ROBO2: variants seen among roughly 807,000 people sequenced by gnomAD.
ROBO2 encodes roundabout guidance receptor 2.
ROBO2 carries 53 observed loss-of-function variants against 160.8 expected under a neutral mutation model. The observed-to-expected ratio is 0.33, with a 90% CI of 0.26 to 0.41. The LOEUF is 0.41. Ranked by LOEUF, ROBO2 falls within the 10% of genes least tolerant of loss-of-function variation. The pLI, the probability that ROBO2 is intolerant of heterozygous loss-of-function variation, is 1.00. For missense variants in ROBO2, 1,577 were observed against 1,722.4 expected, an observed-to-expected ratio of 0.92 and a Z score of 1.49; for synonymous variants, 664 against 611.7, an observed-to-expected ratio of 1.09 and a Z score of -1.26.
chr3:76,391,730 C>G (rs1011501369), intron 2 of ROBO2, among the ~76,000 whole-genome samples: 1 of 152,050 alleles, frequency 6.6e-6, no homozygotes, highest in Non-Finnish European at 1.5e-5. Context: ...AGGCTTGTCT[C>G]GAACTCCTGA....
intron 2 of ROBO2, among the ~76,000 whole-genome samples, chr3:76,189,323 A>C (rs1229690460): frequency 6.6e-6 from 1 of 152,170 alleles, no homozygotes; most frequent in African/African-American, 2.4e-5. Context: ...TTATGAATTA[A>C]GTGAAGAATT....
At position 76,558,202 on chromosome 3, in the gene ROBO2, GATAA is replaced by G. The variant is rs1327766712; in HGVS notation, c.110-539808_110-539805del. 2.0e-5 allele frequency among the ~76,000 whole-genome samples: 3 copies of G among 152,138 alleles called. No individual in the cohort carries two copies. In the South Asian group the frequency reaches 6.2e-4, roughly 32 times the overall value. ...TCATATTCCCGTGTGAACTGAAAATGATAAATAGTTAATAGCTTTCCTAGGGTCT... is the reference window on the plus strand; with the variant it reads ...TCATATTCCCGTGTGAACTGAAAATGATAGTTAATAGCTTTCCTAGGGTCT... On this transcript the variant is annotated intron_variant, in intron 2 of 26. Coordinates refer to the ROBO2 transcript ENST00000487694.
chr3:76,452,517 C>T (rs931728334), intron 2 of ROBO2, among the ~76,000 whole-genome samples: 11 of 152,086 alleles, frequency 7.2e-5, no homozygotes, highest in East Asian at 1.9e-4. Flanking sequence ...TCATTTTATA[C>T]GGCTGCATAG....
chr3:77,069,234 T>C (rs139743247), intron 1 of ROBO2, among the ~76,000 whole-genome samples: 89 of 152,190 alleles, frequency 5.8e-4, no homozygotes, highest in African/African-American at 2.1e-3. Flanking sequence ...AGAGAGACCA[T>C]TGGAATTAAG....
intron 2 of ROBO2, among the ~76,000 whole-genome samples, chr3:76,833,742 T>C (rs1007806850): frequency 1.2e-4 from 18 of 152,154 alleles, no homozygotes; most frequent in Non-Finnish European, 1.5e-5. Flanking sequence ...TCATCTCTTT[T>C]ATCCTCCTTC....
intron 2 of ROBO2, among the ~76,000 whole-genome samples, chr3:76,639,464 T>TCTCACACA (rs371365742): frequency 6.7e-6 from 1 of 149,206 alleles, no homozygotes; most frequent in South Asian, 2.1e-4. Context: ...CTACACTCTC[T>TCTCACACA]CACACACACA....
intron 6 of ROBO2, among the ~76,000 whole-genome samples, chr3:77,538,120 A>AAAC (rs1212760221): frequency 6.6e-6 from 1 of 151,552 alleles, no homozygotes; most frequent in Non-Finnish European, 1.5e-5. Context: ...ATAAAAAACA[A>AAAC]AAAAAATAGT....
chr3:77,409,868 C>T (rs1581718527), intron 2 of ROBO2, among the ~76,000 whole-genome samples: 1 of 152,304 alleles, frequency 6.6e-6, no homozygotes, highest in East Asian at 1.9e-4. Flanking sequence ...CACATACACA[C>T]ACACCCTAAT....
At chr3:77,202,238 T>C (rs958946745) in intron 2 of ROBO2, among the ~76,000 whole-genome samples, 1 of 152,192 alleles carries the variant, frequency 6.6e-6, no homozygotes, top group Non-Finnish European at 1.5e-5. Context: ...GCATTTGTTA[T>C]ACAAAATGTT....
chr3:76,240,029 G>A (rs1053229046), intron 2 of ROBO2, among the ~76,000 whole-genome samples: 4 of 152,100 alleles, frequency 2.6e-5, no homozygotes, highest in African/African-American at 9.7e-5. Flanking sequence ...AGGTGGATAT[G>A]GTCACAGTGT....
At chr3:76,757,646 C>T (rs1337298853) in intron 2 of ROBO2, among the ~76,000 whole-genome samples, 7 of 151,600 alleles carry the variant, frequency 4.6e-5, no homozygotes, top group Admixed American at 2.6e-4. Context: ...CCAGCTAGAG[C>T]GTTGCTTTGT....
At chr3:77,043,882 G>A (rs1486980136) in intron 1 of ROBO2, among the ~76,000 whole-genome samples, 1 of 152,070 alleles carries the variant, frequency 6.6e-6, no homozygotes, top group Non-Finnish European at 1.5e-5. Flanking sequence ...GATATTAGGG[G>A]AGATAAATAT....
intron 2 of ROBO2, among the ~76,000 whole-genome samples, chr3:77,230,834 T>A (rs1037552420): frequency 2.0e-5 from 3 of 152,230 alleles, no homozygotes; most frequent in Admixed American, 6.5e-5. Flanking sequence ...TAGACTTTTT[T>A]AATGCAAAAT....
In ROBO2 at chr3:77,268,076, G is replaced by T. The variant is rs150084905; in HGVS notation, c.388+169736G>T. The stretch of plus-strand genomic sequence containing the variant: ...TATTCACTGCATTTGGATGTAGTAG[G>T]GTTGCTTTGAGCTTGCTGAATTCTA... On this transcript the variant is annotated intron_variant, in intron 2 of 25. Coordinates refer to ENST00000461745, the Ensembl canonical transcript of ROBO2. Among the ~76,000 whole-genome samples the T allele has an allele frequency of 2.0e-3, 303 of 152,196 alleles. 2 individuals are homozygous for T. Among genetic ancestry groups the T allele is most frequent in the African/African-American group, 7.1e-3 (296 of 41,518 alleles).
intron 2 of ROBO2, among the ~76,000 whole-genome samples, chr3:77,306,199 TA>T (rs2063080206): frequency 1.3e-5 from 2 of 152,162 alleles, no homozygotes; most frequent in Admixed American, 6.5e-5. Flanking sequence ...CATATTTATG[TA>T]AGTCTTGAAT....
intron 2 of ROBO2, among the ~76,000 whole-genome samples, chr3:76,938,164 C>T (rs1577646087): frequency 6.6e-6 from 1 of 151,994 alleles, no homozygotes; most frequent in African/African-American, 2.4e-5. Flanking sequence ...TAAGACCATC[C>T]TAGCCACCGT....
At chr3:76,986,268 T>C (rs554169947) in intron 2 of ROBO2, among the ~76,000 whole-genome samples, 7 of 152,296 alleles carry the variant, frequency 4.6e-5, no homozygotes, top group Admixed American at 2.0e-4. Flanking sequence ...ATGTAGAATA[T>C]TTATCTTTAG....
chr3:77,087,043 T>C (rs939772835), intron 1 of ROBO2, among the ~76,000 whole-genome samples: 8 of 152,148 alleles, frequency 5.3e-5, no homozygotes, highest in African/African-American at 1.9e-4. Context: ...ATGGTGTTTT[T>C]TAGACATTGA....
Position 77,347,524 on chromosome 3 carries a change from T to G in ROBO2, c.389-129890T>G, listed in dbSNP as rs577292983. 1.3e-4 allele frequency among the ~76,000 whole-genome samples: 20 copies of G among 152,116 alleles called. 1 individual carries two copies. Among genetic ancestry groups the G allele is most frequent in the African/African-American group, 4.6e-4 (19 of 41,518 alleles). The stretch of plus-strand genomic sequence containing the variant: ...ATAGTGTGTCATATCTCCCCTTATC[T>G]CTCCCTATCTATATTTTCTGCTCAT... On this transcript the variant is annotated intron_variant, in intron 2 of 25. Transcript: ENST00000461745.
Sources: allele counts gnomAD v4.1 joint callset (sites outside exome capture counted in the v4.1 genomes callset), GRCh38; gene constraint gnomAD v4.1.1; transcripts MANE v1.5; gene names NCBI Gene and HGNC (gene_info 2026-07-23, HGNC 2026-07-21).